NCEH1: variants seen among roughly 807,000 people sequenced by gnomAD.
The protein encoded by NCEH1 is neutral cholesterol ester hydrolase 1.
In NCEH1, 9 loss-of-function variants were observed where a neutral mutation model predicts 25.4. That is an observed-to-expected ratio of 0.35 (90% confidence interval 0.21 to 0.62). The LOEUF (loss-of-function observed/expected upper bound fraction) is 0.62. Ranked by LOEUF, NCEH1 falls within the 20% of genes least tolerant of loss-of-function variation. NCEH1 has a pLI of 0.72. For synonymous variants in NCEH1, 200 were observed against 199.8 expected, an observed-to-expected ratio of 1.00 and a Z score of -0.01; for missense variants, 412 against 501.1, an observed-to-expected ratio of 0.82 and a Z score of 1.70.
chr3:172,644,133 C>G (rs1187984520), intron 3 of NCEH1, among the ~76,000 whole-genome samples: 4 of 151,290 alleles, frequency 2.6e-5, no homozygotes, highest in South Asian at 2.1e-4. Flanking sequence ...TTGGGTGACT[C>G]TAGGGCTTTT....
intron 1 of NCEH1, among the ~76,000 whole-genome samples, chr3:172,705,078 A>C (rs914047471): frequency 1.3e-5 from 2 of 152,222 alleles, no homozygotes; most frequent in African/African-American, 4.8e-5. Context: ...GCAAATACTA[A>C]AATATATATT....
intron 1 of NCEH1, among the ~76,000 whole-genome samples, chr3:172,708,910 G>C (rs1714152666): frequency 6.6e-6 from 1 of 152,196 alleles, no homozygotes; most frequent in African/African-American, 2.4e-5. Context: ...GATTTGAGGT[G>C]ACACTGGAAA....
In NCEH1 at chr3:172,703,527, C is replaced by CAAA. The variant is rs11462899; in HGVS notation, c.138+7317_138+7319dup. ...TGAGTGACAGAGCAAGACTCTGTCT[C>CAAA]AAAAAAAAAAAAAAAAAAAGTAAAT... is the stretch of plus-strand genomic sequence containing the variant. On this transcript the variant is annotated intron_variant, in intron 1 of 4. Transcript: ENST00000475381. Among the ~76,000 whole-genome samples the CAAA allele has an allele frequency of 6.0e-3, 483 of 80,584 alleles. 24 individuals are homozygous for CAAA. Among genetic ancestry groups the CAAA allele is most frequent in the African/African-American group, 0.02 (429 of 21,240 alleles). The allele number at this position is 80,584 out of a possible 152,430, so 52.9% of individuals were successfully genotyped here.
chr3:172,657,946 G>T (rs966419747), intron 1 of NCEH1, among the ~76,000 whole-genome samples: 1 of 152,172 alleles, frequency 6.6e-6, no homozygotes, highest in Non-Finnish European at 1.5e-5. Flanking sequence ...TTTGTCAGAG[G>T]TATGTGACCC....
intron 1 of NCEH1, among the ~76,000 whole-genome samples, chr3:172,678,031 C>G (rs1267790165): frequency 3.9e-5 from 6 of 152,348 alleles, no homozygotes; most frequent in African/African-American, 1.4e-4. Flanking sequence ...ATTTTAAACA[C>G]TGTCATTATT....
At chr3:172,680,590 A>T (rs1006677767) in intron 1 of NCEH1, 2 of 152,120 alleles carry the variant, frequency 1.3e-5, no homozygotes, top group African/African-American at 4.8e-5. Context: ...GCCCTGCCCC[A>T]AATCTCAGGG....
At chr3:172,643,319 T>C (rs764302810) in intron 3 of NCEH1, among the ~76,000 whole-genome samples, 15 of 152,148 alleles carry the variant, frequency 9.9e-5, no homozygotes, top group Non-Finnish European at 1.8e-4. Context: ...GTAATCCTTG[T>C]ACCTCAGCCT....
In NCEH1 at chr3:172,648,067, C is replaced by T; in HGVS notation, c.186G>A (p.Leu62=). 6.2e-7 allele frequency: 1 copy of T among 1,614,056 alleles called. No homozygotes were observed. The highest frequency in any genetic ancestry group is 8.5e-7 in the Non-Finnish European group (1 of 1,180,010). ...TGCCAAAAGAAACAATGATAAAATTCAGTGCCAGCAGGTGATGGCTCAGTC... is the reference window on the plus strand; with the variant it reads ...TGCCAAAAGAAACAATGATAAAATTTAGTGCCAGCAGGTGATGGCTCAGTC... ...YLGLSHHLLA[L]NFIIVSFGKK... The change falls in exon 2 of 5, where the codon CTG becomes CTA. Residue 62 remains leucine, a synonymous_variant. Transcript: ENST00000475381.
In NCEH1 at chr3:172,641,455, C is replaced by T. The variant is rs145511512; in HGVS notation, c.437+4168G>A. 3.4e-4 allele frequency among the ~76,000 whole-genome samples: 51 copies of T among 152,206 alleles called. No individual in the cohort carries two copies. In the East Asian group the frequency reaches 5.2e-3, roughly 16 times the overall value. ...TCCTGGTGCTCATAAGAGGTGATTC[C>T]ATTACCAAGGCTGCTGGAACCCCTG... On this transcript the variant is annotated intron_variant, in intron 3 of 4. Transcript: ENST00000475381.
chr3:172,687,270 T>C (rs936143577), intron 1 of NCEH1, among the ~76,000 whole-genome samples: 6 of 152,180 alleles, frequency 3.9e-5, no homozygotes, highest in African/African-American at 7.2e-5. Flanking sequence ...ATCTGAACCT[T>C]TGTAATACCA....
rs368813753 is a variant in NCEH1, at chr3:172,645,685, C to G, written c.375G>C (p.Arg125Ser). Residue 125 changes from arginine to serine, a missense_variant, in exon 3 of 5, where the codon AGG (arginine) becomes AGC (serine). Transcript: ENST00000475381. ...TTGCTGTACACAGCTCATCATAATA[C>G]CTGATTTCTAAAAGACACAAAGGGA... Reference protein sequence around the residue: ...GGWALASAKIRYYDELCTAMA... With the variant: ...GGWALASAKISYYDELCTAMA... 1.4e-5 allele frequency: 22 copies of G among 1,586,330 alleles called. No homozygotes were observed. Among genetic ancestry groups the G allele is most frequent in the Middle Eastern group, 1.7e-4 (1 of 6,036 alleles).
intron 2 of NCEH1, 132 bp downstream of exon 2, chr3:172,647,754 G>T (rs949793548): frequency 8.0e-7 from 1 of 1,250,010 alleles, no homozygotes; most frequent in Non-Finnish European, 1.1e-6. Context: ...GGACAACAGG[G>T]GTAACTGGGA....
At chr3:172,686,082 A>G (rs1168129255) in intron 1 of NCEH1, among the ~76,000 whole-genome samples, 3 of 67,144 alleles carry the variant, frequency 4.5e-5, no homozygotes, top group Admixed American at 2.4e-4. Flanking sequence ...ACACACTGAC[A>G]AGTCCCAGCA....
rs1157839164 is a variant in NCEH1 at position 172,631,996 on chromosome 3, A to AAGCTTGGGCTGT, written c.*1467_*1478dup. 1 of 152,646 alleles carries AAGCTTGGGCTGT rather than the reference A, an allele frequency of 6.6e-6. No individual in the cohort carries two copies. The highest frequency in any genetic ancestry group is 1.5e-5 in the Non-Finnish European group (1 of 68,034). The allele number at this position is 152,646 out of a possible 1,614,324, so 9.5% of individuals were successfully genotyped here. Reference sequence around the variant, plus strand: ...GGCAGTGAAGACTTTACATGAAGTTAAGCTTGGGCTGTTGAAACTTCCAGA... The same window carrying AAGCTTGGGCTGT: ...GGCAGTGAAGACTTTACATGAAGTTAAGCTTGGGCTGTAGCTTGGGCTGTTGAAACTTCCAGA... On this transcript the variant is annotated 3_prime_UTR_variant, in exon 5 of 5. Coordinates refer to ENST00000475381, the MANE Select transcript of NCEH1 (RefSeq NM_020792.6).
At chr3:172,649,599 T>C (rs74483445) in intron 1 of NCEH1, among the ~76,000 whole-genome samples, 2,099 of 152,352 alleles carry the variant, frequency 0.014, 52 homozygotes, top group African/African-American at 0.048. Context: ...ACTTAAGTTC[T>C]TTGGTAAATT....
At chr3:172,659,808 G>A (rs1291567363) in intron 1 of NCEH1, among the ~76,000 whole-genome samples, 1 of 152,114 alleles carries the variant, frequency 6.6e-6, no homozygotes, top group African/African-American at 2.4e-5. Context: ...GACCACTCTG[G>A]ATCAAACAGC....
At position 172,710,898 on chromosome 3, in the gene NCEH1, G is replaced by T; in HGVS notation, c.87C>A (p.Asp29Glu). 1 of 1,614,154 alleles carries T rather than the reference G, an allele frequency of 6.2e-7. No homozygotes were observed. Among genetic ancestry groups the T allele is most frequent in the Non-Finnish European group, 8.5e-7 (1 of 1,180,030 alleles). Residue 29 changes from aspartate to glutamate, a missense_variant, in exon 1 of 5, where the codon GAC (aspartate) becomes GAA (glutamate). Around this residue, in one of 3 missense-constraint regions of NCEH1, gnomAD observed 178 missense variants for 189.2 expected, o/e 0.94. Coordinates refer to ENST00000475381, the MANE Select transcript of NCEH1 (RefSeq NM_020792.6). ...VYIPLPGSVS[D>E]PWKLMLLDAT... ...CGTCCAGCAGCATCAGCTTCCAGGG[G>T]TCGGACACGGAGCCAGGCAGCGGGA... is the stretch of plus-strand genomic sequence containing the variant.
Position 172,670,722 on chromosome 3 carries a change from G to T in NCEH1, c.139-22608C>A, listed in dbSNP as rs1490192861. On this transcript the variant is annotated intron_variant, in intron 1 of 4. Transcript: ENST00000475381. ...ACATTAGAAGCATCAGTAGTTAATG[G>T]TAATAATAATTTCCGTTTTATATGG... Among the ~76,000 whole-genome samples, 3 of 152,106 alleles carry T rather than the reference G, an allele frequency of 2.0e-5. No homozygotes were observed. The South Asian group carries it at 6.2e-4, about 31-fold the overall frequency.
intron 4 of NCEH1, among the ~76,000 whole-genome samples, chr3:172,634,758 G>T (rs969715422): frequency 2.6e-5 from 4 of 152,144 alleles, no homozygotes; most frequent in Non-Finnish European, 5.9e-5. Context: ...ATTCTAGTGT[G>T]CAAAATTATA....
Sources: allele counts gnomAD v4.1 joint callset (sites outside exome capture counted in the v4.1 genomes callset), GRCh38; gene constraint gnomAD v4.1.1; regional missense constraint gnomAD v4.1.1; transcripts MANE v1.5; gene names NCBI Gene and HGNC (gene_info 2026-07-23, HGNC 2026-07-21).